GASK1A: variants seen among roughly 807,000 people sequenced by gnomAD.
GASK1A encodes golgi associated kinase 1A.
GASK1A carries 40 observed loss-of-function variants against 41.2 expected under a neutral mutation model. That is an observed-to-expected ratio of 0.97 (90% CI 0.75 to 1.27). The LOEUF is 1.27. GASK1A is among the 50% of genes most tolerant of loss of function. GASK1A has a pLI of 0.00. For missense variants in GASK1A, 678 were observed against 745.1 expected, an observed-to-expected ratio of 0.91 and a Z score of 1.05; for synonymous variants, 316 against 307.1, an observed-to-expected ratio of 1.03 and a Z score of -0.30.
chr3:42,991,976 C>G (rs56734964), intron 1 of GASK1A, among the ~76,000 whole-genome samples: 286 of 152,178 alleles, frequency 1.9e-3, no homozygotes, highest in African/African-American at 6.1e-3. Flanking sequence ...CAGTTACTTA[C>G]CACATTCTGG....
At chr3:43,035,724 C>T (rs2089600860) in intron 2 of GASK1A, among the ~76,000 whole-genome samples, 1 of 152,100 alleles carries the variant, frequency 6.6e-6, no homozygotes, top group African/African-American at 2.4e-5. Flanking sequence ...TAGTACAGTG[C>T]CTGGCGGGTG....
intron 2 of GASK1A, among the ~76,000 whole-genome samples, chr3:43,038,340 A>G (rs956025170): frequency 6.6e-6 from 1 of 152,246 alleles, no homozygotes; most frequent in African/African-American, 2.4e-5. Context: ...TTGCAAAACA[A>G]AAATACTAAT....
intron 1 of GASK1A, among the ~76,000 whole-genome samples, chr3:42,979,971 C>CT (rs1293053772): frequency 6.6e-6 from 1 of 152,108 alleles, no homozygotes; most frequent in African/African-American, 2.4e-5. Context: ...GGAGCGTTCC[C>CT]TGGGGAACCC....
At chr3:43,055,363 C>G in intron 3 of GASK1A, 69 bp from the exon 4 acceptor site, 1 of 1,158,602 alleles carries the variant, frequency 8.6e-7, no homozygotes, top group Non-Finnish European at 1.3e-6. Context: ...TAATCTTGAC[C>G]AAGTCCATAG....
intron 1 of GASK1A, among the ~76,000 whole-genome samples, chr3:43,013,379 A>G (rs925486165): frequency 1.3e-5 from 2 of 151,976 alleles, no homozygotes; most frequent in African/African-American, 4.8e-5. Context: ...AACCACAGCA[A>G]GGGGTGCTGT....
chr3:43,045,811 G>C (rs749549277), intron 2 of GASK1A, among the ~76,000 whole-genome samples: 7 of 152,156 alleles, frequency 4.6e-5, no homozygotes, highest in Non-Finnish European at 1.0e-4. Flanking sequence ...TGCTATTCTC[G>C]TGATAGTGAG....
At chr3:42,991,930 G>T (rs2089343126) in intron 1 of GASK1A, among the ~76,000 whole-genome samples, 1 of 152,128 alleles carries the variant, frequency 6.6e-6, no homozygotes, top group Admixed American at 6.5e-5. Flanking sequence ...CGGCAAGCCT[G>T]GCCAGTCTGC....
At chr3:42,979,697 A>G in intron 1 of GASK1A, 52 bp downstream of exon 1, 2 of 1,244,984 alleles carry the variant, frequency 1.6e-6, no homozygotes, top group Non-Finnish European at 1.0e-6. Flanking sequence ...GATCACCAGG[A>G]CAGGTGGCTG....
intron 2 of GASK1A, among the ~76,000 whole-genome samples, chr3:43,049,971 A>C (rs1298501407): frequency 6.7e-6 from 1 of 148,530 alleles, no homozygotes; most frequent in African/African-American, 2.5e-5. Context: ...ATCTTTATAC[A>C]TTTTCTGCCC....
At chr3:43,007,570 TG>T (rs2089442670) in intron 1 of GASK1A, among the ~76,000 whole-genome samples, 1 of 152,242 alleles carries the variant, frequency 6.6e-6, no homozygotes, top group Non-Finnish European at 1.5e-5. Flanking sequence ...TGTTGAGTTT[TG>T]ACCTGCCTTC....
intron 1 of GASK1A, among the ~76,000 whole-genome samples, chr3:43,001,322 G>A (rs1055842023): frequency 2.0e-5 from 3 of 152,158 alleles, no homozygotes; most frequent in Admixed American, 1.3e-4. Flanking sequence ...TATGCAGTCC[G>A]GGAAAGCGAT....
At chr3:43,048,335 G>A (rs2089673464) in intron 2 of GASK1A, among the ~76,000 whole-genome samples, 1 of 152,142 alleles carries the variant, frequency 6.6e-6, no homozygotes, top group Non-Finnish European at 1.5e-5. Context: ...AGTATGATAA[G>A]AATATTGACC....
At chr3:43,052,656 C>A (rs2089696928) in intron 2 of GASK1A, among the ~76,000 whole-genome samples, 1 of 152,198 alleles carries the variant, frequency 6.6e-6, no homozygotes, top group African/African-American at 2.4e-5. Context: ...CAAACCAACT[C>A]CTCACTTCGA....
intron 1 of GASK1A, among the ~76,000 whole-genome samples, chr3:43,008,672 C>T (rs561870556): frequency 2.0e-5 from 3 of 152,346 alleles, no homozygotes; most frequent in South Asian, 2.1e-4. Flanking sequence ...GGAATGCTTT[C>T]GCCCTCACCA....
intron 1 of GASK1A, among the ~76,000 whole-genome samples, chr3:43,020,772 C>T (rs1387984701): frequency 6.6e-6 from 1 of 152,192 alleles, no homozygotes; most frequent in Non-Finnish European, 1.5e-5. Flanking sequence ...CTGGGGCAAG[C>T]TCTTCTCACG....
Position 42,984,195 on chromosome 3 carries a change from C to G in GASK1A, c.3+4550C>G, listed in dbSNP as rs757773516. Among the ~76,000 whole-genome samples, 5 of 151,948 alleles carry G rather than the reference C, an allele frequency of 3.3e-5. No homozygotes were observed. Among genetic ancestry groups the G allele is most frequent in the Admixed American group, 2.0e-4 (3 of 15,242 alleles). On this transcript the variant is annotated intron_variant, in intron 1 of 4. Transcript: ENST00000430121. The surrounding 1 kb of genome is among the most constrained non-coding windows in gnomAD (Gnocchi z 4.2). ...CATTTTCTGGATGTGTCTGCACAGG[C>G]CTGTGTGTGAAGGACCACTTGGCCT... is the stretch of plus-strand genomic sequence containing the variant.
intron 1 of GASK1A, among the ~76,000 whole-genome samples, chr3:42,997,678 T>A (rs1188321515): frequency 4.6e-5 from 7 of 152,140 alleles, no homozygotes; most frequent in Non-Finnish European, 1.0e-4. Flanking sequence ...CTATTGCGGG[T>A]CTAGAATAAT....
intron 2 of GASK1A, among the ~76,000 whole-genome samples, chr3:43,035,358 C>T (rs1240594723): frequency 6.6e-6 from 1 of 152,138 alleles, no homozygotes; most frequent in Non-Finnish European, 1.5e-5. Context: ...GGAGGGGTTT[C>T]CCAGATCATA....
chr3:43,011,177 A>G (rs1575440454), intron 1 of GASK1A, among the ~76,000 whole-genome samples: 1 of 152,096 alleles, frequency 6.6e-6, no homozygotes, highest in South Asian at 2.1e-4. Context: ...AGGTCAGGAG[A>G]TCAAGATCAT....
Sources: gnomAD v4.1 joint callset for allele counts (sites outside exome capture counted in the v4.1 genomes callset) on GRCh38, gnomAD v4.1.1 for gene constraint, Gnocchi (gnomAD v3.1) non-coding constraint, MANE v1.5 for transcripts, NCBI Gene and HGNC (gene_info 2026-07-23, HGNC 2026-07-21) for gene names.